MIA3: variants seen among roughly 807,000 people sequenced by gnomAD.
The protein encoded by MIA3 is MIA SH3 domain ER export factor 3, also known as transport and Golgi organization protein 1 homolog.
A neutral mutation model predicts 192.4 loss-of-function variants in MIA3; 90 were observed. The ratio of observed to expected loss-of-function variants is 0.47; its 90% CI spans 0.39 to 0.56. The LOEUF (loss-of-function observed/expected upper bound fraction) is 0.56. Among genes scored for constraint, MIA3 ranks in the 20% least tolerant of loss-of-function variants. The probability of loss-of-function intolerance (pLI) is 0.00; values close to 1 mark genes in which losing one functional copy is unlikely to be tolerated. For missense variants in MIA3, 2,123 were observed against 2,269.4 expected, an observed-to-expected ratio of 0.94 and a Z score of 1.31; for synonymous variants, 740 against 792.8, an observed-to-expected ratio of 0.93 and a Z score of 1.12.
At position 222,629,645 on chromosome 1, in the gene MIA3, A is replaced by G. The variant is rs752249841; in HGVS notation, c.2425A>G (p.Met809Val). 6 of 1,614,156 alleles carry G rather than the reference A, an allele frequency of 3.7e-6. No homozygotes were observed. The highest frequency in any genetic ancestry group is 5.1e-6 in the Non-Finnish European group (6 of 1,180,014). Residue 809 changes from methionine (M) to valine (V), a missense_variant, in exon 4 of 28, where the codon ATG (methionine) becomes GTG (valine). Physicochemically the swap from Met to Val is conservative, Grantham distance 21. This residue lies in a region of MIA3 where 1,357 missense variants were observed against 1,396.1 expected (regional missense o/e 0.97). Transcript: ENST00000344922. ...VNTGGREPNT[M>V]VEKERPLADK... ...CACAGGAGGCAGGGAACCAAATACA[A>G]TGGTGGAAAAAGAACGCCCTCTGGC...
chr1:222,657,138 A>G (rs569107578), intron 18 of MIA3, among the ~76,000 whole-genome samples: 64 of 152,344 alleles, frequency 4.2e-4, no homozygotes, highest in South Asian at 1.2e-3. Context: ...ATCATCCTAC[A>G]TAAAAGATAT....
At position 222,654,739 on chromosome 1, in the gene MIA3, A is replaced by C; in HGVS notation, c.4553A>C (p.Gln1518Pro). 1 of 1,614,228 alleles carries C rather than the reference A, an allele frequency of 6.2e-7. No homozygotes were observed. Among genetic ancestry groups the C allele is most frequent in the Non-Finnish European group, 8.5e-7 (1 of 1,180,022 alleles). Residue 1518 changes from glutamine to proline, a missense_variant, in exon 18 of 28, where the codon CAG (glutamine) becomes CCG (proline). Around this residue, in one of 3 missense-constraint regions of MIA3, gnomAD observed 762 missense variants for 856.4 expected, o/e 0.89. Transcript: ENST00000344922. ...GLEDECKTLR[Q>P]KVEILNELYQ... ...GAAGATGAATGCAAAACCTTGAGGC[A>C]GAAAGTGGAGATTCTGAATGAGCTC...
intron 15 of MIA3, 45 bp downstream of exon 15, chr1:222,653,384 C>A: frequency 8.0e-7 from 1 of 1,256,476 alleles, no homozygotes; most frequent in Non-Finnish European, 1.2e-6. Context: ...GCCTTCCTGT[C>A]TTTAAGTGCA....
At chr1:222,658,668 A>G (rs35822937) in intron 18 of MIA3, 54 bp from the exon 19 acceptor site, 194,905 of 1,275,754 alleles carry the variant, frequency 0.15, 17,095 homozygotes, top group Middle Eastern at 0.18. Flanking sequence ...GTATTCAGAC[A>G]GAATGCCAGG....
At chr1:222,657,209 A>C (rs1275245703) in intron 18 of MIA3, among the ~76,000 whole-genome samples, 3 of 152,214 alleles carry the variant, frequency 2.0e-5, no homozygotes, top group African/African-American at 7.2e-5. Context: ...ATCATTCAAA[A>C]ATGGCTTAGT....
In MIA3 at chr1:222,629,364, C is replaced by T. The variant is rs777985565; in HGVS notation, c.2144C>T (p.Ala715Val). 6.2e-7 allele frequency: 1 copy of T among 1,614,166 alleles called. No individual in the cohort carries two copies. Among genetic ancestry groups the T allele is most frequent in the Non-Finnish European group, 8.5e-7 (1 of 1,180,030 alleles). ...CAAACTGACAGCACAGGAGGACCAG[C>T]TTTCCTTTCTAAAGTAGAAGAGGAT... ...TDQTDSTGGP[A>V]FLSKVEEDDY... is the part of the protein sequence containing the mutation. The change falls in exon 4 of 28, where the codon GCT (alanine) becomes GTT (valine). Residue 715 changes from alanine (A) to valine (V), a missense_variant. By Grantham distance (64) the Ala-to-Val change is moderately conservative (BLOSUM62 0). Around this residue, in one of 3 missense-constraint regions of MIA3, gnomAD observed 1,357 missense variants for 1,396.1 expected, o/e 0.97. Coordinates refer to ENST00000344922, the MANE Select transcript of MIA3 (RefSeq NM_198551.4).
intron 18 of MIA3, 134 bp from the exon 19 acceptor site, chr1:222,658,588 A>G (rs1390212198): frequency 6.4e-6 from 4 of 628,916 alleles, no homozygotes; most frequent in Non-Finnish European, 1.1e-5. Flanking sequence ...GGACAGTTTT[A>G]TTTCCTTCCT....
intron 7 of MIA3, among the ~76,000 whole-genome samples, chr1:222,647,166 CAT>C (rs764136588): frequency 6.6e-5 from 10 of 152,246 alleles, no homozygotes; most frequent in African/African-American, 1.4e-4. Context: ...CAAATTATAT[CAT>C]GTGTAAAGAC....
rs374709745 is a variant in MIA3, at chr1:222,629,915, C to G, written c.2695C>G (p.Pro899Ala). ...TESQGSAAAE[P>A]EDDSFHWTPH... ...AAGCCAGGGGTCTGCTGCTGCAGAA[C>G]CTGAAGATGACTCGTTCCACTGGAC... Residue 899 changes from proline (P) to alanine (A), a missense_variant, in exon 4 of 28, where the codon CCT (proline) becomes GCT (alanine). Pro to Ala is a conservative substitution (Grantham distance 27). This residue lies in a region of MIA3 where 1,357 missense variants were observed against 1,396.1 expected (regional missense o/e 0.97). Coordinates refer to ENST00000344922, the MANE Select transcript of MIA3 (RefSeq NM_198551.4). 137 of 1,614,058 alleles carry G rather than the reference C, an allele frequency of 8.5e-5. No homozygotes were observed. The African/African-American group carries it at 1.7e-3, about 20-fold the overall frequency.
rs749288346 is a variant in MIA3, at chr1:222,618,115, C to T, written c.5C>T (p.Ala2Val). The T allele has an allele frequency of 2.0e-6, 3 of 1,482,586 alleles. No individual in the cohort carries two copies. Among genetic ancestry groups the T allele is most frequent in the Admixed American group, 4.2e-5 (2 of 47,338 alleles). 91.8% of individuals were successfully genotyped at this position (1,482,586 alleles called of 1,614,324 possible). Residue 2 changes from alanine to valine, a missense_variant, in exon 1 of 28, where the codon GCT (alanine) becomes GTT (valine). By Grantham distance (64) the Ala-to-Val change is moderately conservative. Coordinates refer to ENST00000344922, the MANE Select transcript of MIA3 (RefSeq NM_198551.4). ...GCTCCCCGAGGTGACCACAACATGGCTGCGGCGCCTGGGCTGCTCGTCTGG... is the reference window on the plus strand; with the variant it reads ...GCTCCCCGAGGTGACCACAACATGGTTGCGGCGCCTGGGCTGCTCGTCTGG... MAAAPGLLVWLL... is the reference protein window; with the variant it reads MVAAPGLLVWLL...
chr1:222,648,735 C>G, intron 7 of MIA3, 94 bp from the exon 8 acceptor site: 1 of 772,520 alleles, frequency 1.3e-6, no homozygotes, highest in Non-Finnish European at 2.2e-6. Context: ...ATTAAATTCT[C>G]ATTTGGTTAC....
chr1:222,633,417 A>C (rs1662492508), intron 6 of MIA3, among the ~76,000 whole-genome samples, 168 bp downstream of exon 6: 1 of 152,236 alleles, frequency 6.6e-6, no homozygotes, highest in Non-Finnish European at 1.5e-5. Context: ...ATGGGCTCTT[A>C]GTTCAGCACA....
rs189609733 is a variant in MIA3, at chr1:222,621,181, T to C, written c.156T>C (p.Ala52=). Residue 52 remains alanine, a synonymous_variant, in exon 2 of 28, where the codon GCT becomes GCC. Coordinates refer to ENST00000344922, the MANE Select transcript of MIA3 (RefSeq NM_198551.4). ...CAGTGTTAATGTACCGCGGTGAGGC[T>C]CTTGAAGATTTCACAGGCCCGGATT... is the stretch of plus-strand genomic sequence containing the variant. ...ECSMLMYRGE[A]LEDFTGPDCR... is the part of the protein sequence containing the mutation. 1.2e-6 allele frequency: 2 copies of C among 1,613,300 alleles called. No homozygotes were observed. Among genetic ancestry groups the C allele is most frequent in the East Asian group, 2.2e-5 (1 of 44,882 alleles).
chr1:222,641,190 T>C (rs1012871058), intron 6 of MIA3, among the ~76,000 whole-genome samples: 2 of 152,250 alleles, frequency 1.3e-5, no homozygotes, highest in African/African-American at 4.8e-5. Context: ...ACTGGTCATA[T>C]GATCCAGCCA....
chr1:222,639,901 T>G (rs1198443214), intron 6 of MIA3, among the ~76,000 whole-genome samples: 9 of 152,056 alleles, frequency 5.9e-5, no homozygotes, highest in Non-Finnish European at 1.3e-4. Flanking sequence ...GAAAAAGAAA[T>G]AAAATGCATC....
intron 19 of MIA3, chr1:222,659,173 A>C (rs1159626820): frequency 4.3e-6 from 2 of 460,438 alleles, no homozygotes; most frequent in Admixed American, 4.0e-5. Flanking sequence ...AAAAAGGTTT[A>C]TAGTGGAAGA....
At chr1:222,655,062 T>G (rs1453614332) in intron 18 of MIA3, among the ~76,000 whole-genome samples, 1 of 152,270 alleles carries the variant, frequency 6.6e-6, no homozygotes, top group East Asian at 1.9e-4. Flanking sequence ...GCTTCTCTTT[T>G]GAAGATCTGG....
In MIA3 at chr1:222,644,324, A is replaced by G. The variant is rs1015789213; in HGVS notation, c.3478-1230A>G. 8 of 1,453,500 alleles carry G rather than the reference A, an allele frequency of 5.5e-6. No individual in the cohort carries two copies. The East Asian group carries it at 1.8e-4, about 32-fold the overall frequency. The allele number at this position is 1,453,500 out of a possible 1,614,324, so 90.0% of individuals were successfully genotyped here. A position where few individuals can be genotyped will look rare whatever the true frequency, so the allele number is the denominator to read the frequency against. ...TGATGACGTGTTTTATAGGCGGCAT[A>G]AAGCGAAAGTGCAGGCAGCTGTGGA... is the stretch of plus-strand genomic sequence containing the variant. On this transcript the variant is annotated intron_variant, in intron 6 of 27. Transcript: ENST00000344922.
rs754936255 is a variant in MIA3 at position 222,628,586 on chromosome 1, A to G, written c.1366A>G (p.Lys456Glu). 11 of 1,614,152 alleles carry G rather than the reference A, an allele frequency of 6.8e-6. No homozygotes were observed. In the East Asian group the frequency reaches 1.6e-4, roughly 23 times the overall value. ...IVDIPKTNND[K>E]EVNAEHHIKG... ...AGACATTCCTAAAACAAATAATGAC[A>G]AAGAAGTAAACGCAGAACATCACAT... Residue 456 changes from lysine to glutamate, a missense_variant, in exon 4 of 28, where the codon AAA becomes GAA. Lys to Glu is a moderately conservative substitution (Grantham distance 56, BLOSUM62 1). Coordinates refer to ENST00000344922, the MANE Select transcript of MIA3 (RefSeq NM_198551.4).
Sources: gnomAD v4.1 joint callset for allele counts (sites outside exome capture counted in the v4.1 genomes callset) on GRCh38, gnomAD v4.1.1 for gene constraint, gnomAD v4.1.1 regional missense constraint, MANE v1.5 for transcripts, NCBI Gene and HGNC (gene_info 2026-07-23, HGNC 2026-07-21) for gene names.